The following ZNF135 variants were observed in gnomAD, a reference collection of about 807,000 sequenced individuals.
ZNF135 encodes the protein zinc finger protein 135 (clone pHZ-17).
A neutral mutation model predicts 12.3 loss-of-function variants in ZNF135; 11 were observed. That is an observed-to-expected ratio of 0.89 (90% CI 0.56 to 1.48). The LOEUF (loss-of-function observed/expected upper bound fraction) is 1.48. ZNF135 is among the 40% of genes most tolerant of loss of function. The pLI, the probability that ZNF135 is intolerant of heterozygous loss-of-function variation, is 0.00. For missense variants in ZNF135, 722 were observed against 815.7 expected, an observed-to-expected ratio of 0.89 and a Z score of 1.40; for synonymous variants, 316 against 312.0, an observed-to-expected ratio of 1.01 and a Z score of -0.14.
In ZNF135 at chr19:58,068,517, T is replaced by G; in HGVS notation, c.*56T>G. 6.4e-7 allele frequency: 1 copy of G among 1,564,336 alleles called. No individual in the cohort carries two copies. Among genetic ancestry groups the G allele is most frequent in the South Asian group, 1.2e-5 (1 of 83,592 alleles). On this transcript the variant is annotated 3_prime_UTR_variant, in exon 5 of 5. Coordinates refer to ENST00000313434, the MANE Select transcript of ZNF135 (RefSeq NM_001289401.2). ...AGACCTTAAGCCATAGCTCATCCCT[T>G]TCTAGATTTGACCCAATCATACACA...
chr19:58,060,178 G>A lies in ZNF135; in HGVS notation c.33+143G>A. On this transcript the variant is annotated intron_variant, in intron 2 of 4. Transcript: ENST00000313434. This position sits in a 1 kb window ranked among gnomAD's most constrained non-coding sequence, Gnocchi z 4.9. ...CCTTGTGCCCGGCCCCTACTTGCGTGCCCGGCCCCTACTCGTGCCCGGCCT... is the reference window on the plus strand; with the variant it reads ...CCTTGTGCCCGGCCCCTACTTGCGTACCCGGCCCCTACTCGTGCCCGGCCT... The A allele has an allele frequency of 1.3e-6, 2 of 1,517,276 alleles. No homozygotes were observed. Among genetic ancestry groups the A allele is most frequent in the South Asian group, 2.5e-5 (2 of 80,974 alleles). The allele number at this position is 1,517,276 out of a possible 1,614,324, so 94.0% of individuals were successfully genotyped here.
In ZNF135 at chr19:58,067,543, C is replaced by G. The variant is rs1270492842; in HGVS notation, c.1059C>G (p.Pro353=). The G allele has an allele frequency of 6.2e-7, 1 of 1,613,914 alleles. No homozygotes were observed. Among genetic ancestry groups the G allele is most frequent in the East Asian group, 2.2e-5 (1 of 44,846 alleles). ...TGCGAATCCACACTGGGGAGAAACC[C>G]TATCAGTGTGGTGAGTGTGGCAAGG... ...QHLRIHTGEK[P]YQCGECGKAF... Residue 353 remains proline (P), a synonymous_variant, in exon 5 of 5, where the codon CCC becomes CCG. Transcript: ENST00000313434.
rs182975095 is a variant in ZNF135, at chr19:58,064,830, T to C, written c.256+1289T>C. Among the ~76,000 whole-genome samples the C allele has an allele frequency of 2.6e-5, 4 of 152,174 alleles. No homozygotes were observed. In the East Asian group the frequency reaches 5.8e-4, roughly 22 times the overall value. The stretch of plus-strand genomic sequence containing the variant: ...TGCTTGAACTAGGAGGTGGAGGTTG[T>C]GATGAGCCAAGATCACGCCACTGTG... On this transcript the variant is annotated intron_variant, in intron 4 of 4. Transcript: ENST00000313434.
At position 58,067,327 on chromosome 19, in the gene ZNF135, A is replaced by C. The variant is rs1350345595; in HGVS notation, c.843A>C (p.Gln281His). ...CTCAGTGTGGGAGGACCTTCAACCA[A>C]ATTGCCCCACTGATCCAGCACCAGA... ...KCTQCGRTFN[Q>H]IAPLIQHQRT... Residue 281 changes from glutamine to histidine, a missense_variant, in exon 5 of 5, where the codon CAA (glutamine) becomes CAC (histidine). By Grantham distance (24) the Gln-to-His change is conservative (BLOSUM62 0). Transcript: ENST00000313434. The C allele has an allele frequency of 6.2e-7, 1 of 1,613,882 alleles. No homozygotes were observed. The highest frequency in any genetic ancestry group is 1.7e-5 in the Admixed American group (1 of 60,010).
rs34865420 is a variant in ZNF135, at chr19:58,060,985, CGG to C, written c.34-589_34-588del. ...ACTAAAAATACAAAAAAAAATTAGCCGGGGGGGTGGCGGGCGCCTGTAGTCCC... is the reference window on the plus strand; with the variant it reads ...ACTAAAAATACAAAAAAAAATTAGCCGGGGGTGGCGGGCGCCTGTAGTCCC... On this transcript the variant is annotated intron_variant, in intron 2 of 4. Transcript: ENST00000313434. The surrounding 1 kb of genome is among the most constrained non-coding windows in gnomAD (Gnocchi z 4.9). Among the ~76,000 whole-genome samples, 2 of 152,062 alleles carry C rather than the reference CGG, an allele frequency of 1.3e-5. No homozygotes were observed. Among genetic ancestry groups the C allele is most frequent in the East Asian group, 1.9e-4 (1 of 5,162 alleles).
intron 3 of ZNF135, among the ~76,000 whole-genome samples, chr19:58,062,682 C>T (rs1205409718): frequency 6.6e-6 from 1 of 151,168 alleles, no homozygotes; most frequent in East Asian, 2.0e-4. Context: ...TGAGCCACTG[C>T]GTCCGGCCTG....
At chr19:58,062,198 G>A (rs1346458716) in intron 3 of ZNF135, among the ~76,000 whole-genome samples, 2 of 152,106 alleles carry the variant, frequency 1.3e-5, no homozygotes, top group African/African-American at 4.8e-5. Flanking sequence ...CTTTCTTCCT[G>A]TGTCCTGACA....
At position 58,067,753 on chromosome 19, in the gene ZNF135, A is replaced by G; in HGVS notation, c.1269A>G (p.Thr423=). Residue 423 remains threonine, a synonymous_variant, in exon 5 of 5, where the codon ACA becomes ACG. Transcript: ENST00000313434. Reference sequence around the variant, plus strand: ...GTGGGAAAGCCTTCAGTCAGAGCACACTCCTGACCGAGCATCGGAGGATTC... The same window carrying G: ...GTGGGAAAGCCTTCAGTCAGAGCACGCTCCTGACCGAGCATCGGAGGATTC... ...GECGKAFSQS[T]LLTEHRRIHT... 6.2e-7 allele frequency: 1 copy of G among 1,612,736 alleles called. No homozygotes were observed. The highest frequency in any genetic ancestry group is 8.5e-7 in the Non-Finnish European group (1 of 1,179,622).
Position 58,067,801 on chromosome 19 carries a change from A to C in ZNF135, c.1317A>C (p.Gly439=). ...RRIHTGEKPY[G]CNECGKTFSH... is the part of the protein sequence containing the mutation. ...TTCACACAGGAGAGAAGCCCTATGG[A>C]TGCAACGAGTGTGGGAAAACCTTCA... The change falls in exon 5 of 5, where the codon GGA becomes GGC. Residue 439 remains glycine (G), a synonymous_variant. Coordinates refer to ENST00000313434, the MANE Select transcript of ZNF135 (RefSeq NM_001289401.2). The C allele has an allele frequency of 6.2e-7, 1 of 1,613,202 alleles. No individual in the cohort carries two copies. Among genetic ancestry groups the C allele is most frequent in the South Asian group, 1.1e-5 (1 of 91,028 alleles).
At position 58,063,443 on chromosome 19, in the gene ZNF135, C is replaced by A; in HGVS notation, c.161-3C>A. On this transcript the variant is annotated splice_region_variant and splice_polypyrimidine_tract_variant and intron_variant, in intron 3 of 4. Coordinates refer to ENST00000313434, the MANE Select transcript of ZNF135 (RefSeq NM_001289401.2). The surrounding 1 kb of genome is among the most constrained non-coding windows in gnomAD (Gnocchi z 4.4). ...CTCACTCTATGGGTCTCTCCCTGAG[C>A]AGGACATTGGTTACCGAAGCCGAAT... is the stretch of plus-strand genomic sequence containing the variant. 6.2e-7 allele frequency: 1 copy of A among 1,613,914 alleles called. No homozygotes were observed. The highest frequency in any genetic ancestry group is 8.5e-7 in the Non-Finnish European group (1 of 1,179,892).
Position 58,059,432 on chromosome 19 carries a change from T to C in ZNF135, c.-35+122T>C, listed in dbSNP as rs2073927872. On this transcript the variant is annotated intron_variant, in intron 1 of 4. Coordinates refer to ENST00000313434, the MANE Select transcript of ZNF135 (RefSeq NM_001289401.2). This position sits in a 1 kb window ranked among gnomAD's most constrained non-coding sequence, Gnocchi z 6.5. ...GCGAGTTTCCAGCAGCGCGCGTCTG[T>C]GTGGAGTCCGTTTTGCTGCCCGGGG... 1.8e-6 allele frequency: 2 copies of C among 1,086,700 alleles called. No homozygotes were observed. The highest frequency in any genetic ancestry group is 3.0e-5 in the East Asian group (1 of 33,046). The allele number at this position is 1,086,700 out of a possible 1,614,324, so 67.3% of individuals were successfully genotyped here.
rs1477896492 is a variant in ZNF135, at chr19:58,069,163, C to T, written c.*702C>T. On this transcript the variant is annotated 3_prime_UTR_variant, in exon 5 of 5. Coordinates refer to ENST00000313434, the MANE Select transcript of ZNF135 (RefSeq NM_001289401.2). ...ACTATAAACAGGTTTTTAGTTATCC[C>T]TGCATTATTTTTGCAATTAATCTTT... 6.6e-6 allele frequency: 1 copy of T among 152,164 alleles called. No homozygotes were observed. Among genetic ancestry groups the T allele is most frequent in the Non-Finnish European group, 1.5e-5 (1 of 68,080 alleles). The allele number at this position is 152,164 out of a possible 1,614,324, so 9.4% of individuals were successfully genotyped here.
Position 58,068,602 on chromosome 19 carries a change from G to A in ZNF135, c.*141G>A. ...ACAGCACTCCCCTCAGACACCCTCAGAGAGTTCACACTGATGGGAAATGAC... is the reference window on the plus strand; with the variant it reads ...ACAGCACTCCCCTCAGACACCCTCAAAGAGTTCACACTGATGGGAAATGAC... On this transcript the variant is annotated 3_prime_UTR_variant, in exon 5 of 5. Transcript: ENST00000313434. 9 of 914,900 alleles carry A rather than the reference G, an allele frequency of 9.8e-6. No homozygotes were observed. In the South Asian group the frequency reaches 1.4e-4, roughly 14 times the overall value. 56.7% of individuals were successfully genotyped at this position (914,900 alleles called of 1,614,324 possible). A position where few individuals can be genotyped will look rare whatever the true frequency, so the allele number is the denominator to read the frequency against.
chr19:58,067,679 C>G lies in ZNF135; in HGVS notation c.1195C>G (p.Gln399Glu), dbSNP rs1172199135. The G allele has an allele frequency of 4.3e-6, 7 of 1,612,188 alleles. No individual in the cohort carries two copies. The highest frequency in any genetic ancestry group is 1.3e-5 in the African/African-American group (1 of 74,194). ...CTTCACCCAGATCACACCACTGATT[C>G]AGCACCAGAGGACCCACACAGGAGA... ...KAFTQITPLI[Q>E]HQRTHTGEKP... The change falls in exon 5 of 5, where the codon CAG becomes GAG. Residue 399 changes from glutamine to glutamate, a missense_variant. By Grantham distance (29) the Gln-to-Glu change is conservative (BLOSUM62 2). Transcript: ENST00000313434.
Position 58,066,979 on chromosome 19 carries a change from T to G in ZNF135, c.495T>G (p.Phe165Leu), listed in dbSNP as rs2074078030. 2 of 1,614,160 alleles carry G rather than the reference T, an allele frequency of 1.2e-6. No individual in the cohort carries two copies. Among genetic ancestry groups the G allele is most frequent in the Non-Finnish European group, 1.7e-6 (2 of 1,180,036 alleles). ...PVLEQWQRNGFGENISLNPDL... is the reference protein window; with the variant it reads ...PVLEQWQRNGLGENISLNPDL... ...TGGAGCAGTGGCAGAGGAATGGGTT[T>G]GGGGAAAACATAAGTCTGAACCCTG... Residue 165 changes from phenylalanine to leucine, a missense_variant, in exon 5 of 5, where the codon TTT becomes TTG. Physicochemically the swap from Phe to Leu is conservative, Grantham distance 22 (BLOSUM62 0). Coordinates refer to ENST00000313434, the MANE Select transcript of ZNF135 (RefSeq NM_001289401.2).
rs2074022196 is a variant in ZNF135 at position 58,063,763 on chromosome 19, A to G, written c.256+222A>G. On this transcript the variant is annotated intron_variant, in intron 4 of 4. Transcript: ENST00000313434. The surrounding 1 kb of genome is among the most constrained non-coding windows in gnomAD (Gnocchi z 4.4). ...TGGGGGAAACAAACAATAAATCGGT[A>G]AAATAATAATAATAAAACAAGTTGG... 8.0e-7 allele frequency: 1 copy of G among 1,244,134 alleles called. No individual in the cohort carries two copies. The highest frequency in any genetic ancestry group is 3.3e-5 in the Admixed American group (1 of 30,534). 77.1% of individuals were successfully genotyped at this position (1,244,134 alleles called of 1,614,324 possible).
At position 58,066,933 on chromosome 19, in the gene ZNF135, C is replaced by T. The variant is rs758319362; in HGVS notation, c.449C>T (p.Thr150Met). 1.9e-5 allele frequency: 31 copies of T among 1,614,042 alleles called. No individual in the cohort carries two copies. Among genetic ancestry groups the T allele is most frequent in the Middle Eastern group, 1.6e-4 (1 of 6,082 alleles). ...AGCCTGGCAGTGCCGGTGGCCTTCA[C>T]GCCTGTGAAGACGCCTGTTCTGGAG... Reference protein sequence around the residue: ...LESLAVPVAFTPVKTPVLEQW... With the variant: ...LESLAVPVAFMPVKTPVLEQW... Residue 150 changes from threonine to methionine, a missense_variant, in exon 5 of 5, where the codon ACG becomes ATG. Transcript: ENST00000313434.
Position 58,065,940 on chromosome 19 carries a change from G to A in ZNF135, c.257-801G>A, listed in dbSNP as rs2074058850. ...CAGCACACACCCAGGTCATGGCTGT[G>A]CAGAGAGGGCTGGGTACCAGGGCAA... On this transcript the variant is annotated intron_variant, in intron 4 of 4. Transcript: ENST00000313434. The surrounding 1 kb of genome is among the most constrained non-coding windows in gnomAD (Gnocchi z 4.0). Among the ~76,000 whole-genome samples the A allele has an allele frequency of 6.6e-6, 1 of 152,120 alleles. No homozygotes were observed. The highest frequency in any genetic ancestry group is 6.5e-5 in the Admixed American group (1 of 15,272).
chr19:58,060,392 G>A lies in ZNF135; in HGVS notation c.33+357G>A. 1.3e-5 allele frequency: 16 copies of A among 1,227,734 alleles called. No individual in the cohort carries two copies. The highest frequency in any genetic ancestry group is 1.5e-5 in the Non-Finnish European group (15 of 974,324). 76.1% of individuals were successfully genotyped at this position (1,227,734 alleles called of 1,614,324 possible). A position where few individuals can be genotyped will look rare whatever the true frequency, so the allele number is the denominator to read the frequency against. On this transcript the variant is annotated intron_variant, in intron 2 of 4. Transcript: ENST00000313434. This position sits in a 1 kb window ranked among gnomAD's most constrained non-coding sequence, Gnocchi z 4.9. ...CCTCTGAAAGGACCGCCCACGCCGC[G>A]CTGGAGGTCAGCGGGCACGGGTCCC...
Sources: gnomAD v4.1 joint callset for allele counts (sites outside exome capture counted in the v4.1 genomes callset) on GRCh38, gnomAD v4.1.1 for gene constraint, Gnocchi (gnomAD v3.1) non-coding constraint, MANE v1.5 for transcripts, NCBI Gene and HGNC (gene_info 2026-07-23, HGNC 2026-07-21) for gene names.